KRR1: variants seen among roughly 807,000 people sequenced by gnomAD.
The protein encoded by KRR1 is KRR1 small subunit processome component homolog.
A neutral mutation model predicts 50.0 loss-of-function variants in KRR1; 23 were observed. The observed-to-expected ratio is 0.46, with a 90% CI of 0.33 to 0.65. The LOEUF (loss-of-function observed/expected upper bound fraction) is 0.65. KRR1 is among the 30% of genes least tolerant of loss of function. The pLI, the probability that KRR1 is intolerant of heterozygous loss-of-function variation, is 0.02. For synonymous variants in KRR1, 133 were observed against 146.3 expected (o/e 0.91, Z 0.66); for missense variants, 419 against 442.4 (o/e 0.95, Z 0.47).
chr12:75,508,290 T>C lies in KRR1; in HGVS notation c.242A>G (p.Lys81Arg), dbSNP rs150984893. Residue 81 changes from lysine (K) to arginine (R), a missense_variant, in exon 2 of 10, where the codon AAA (lysine) becomes AGA (arginine). Lys to Arg is a conservative substitution (Grantham distance 26). Coordinates refer to ENST00000229214, the MANE Select transcript of KRR1 (RefSeq NM_007043.7). ...YLKECWPLVQ[K>R]ALNEHHVNAT... ...TACACATACATGTTCATTTAAGGCT[T>C]TCTGCACCAATGGCCAACACTCTTT... is the stretch of plus-strand genomic sequence containing the variant. 20 of 1,610,438 alleles carry C rather than the reference T, an allele frequency of 1.2e-5. No individual in the cohort carries two copies. The African/African-American group carries it at 2.7e-4, about 22-fold the overall frequency.
In KRR1 at chr12:75,492,661, T is replaced by C. The variant is rs897098907; in HGVS notation, c.*7148A>G. ...CTTATCTTCAGAGTTATAAACAATA[T>C]TAAATTATAAAACTTACAACCAAAG... On this transcript the variant is annotated 3_prime_UTR_variant, in exon 10 of 10. Transcript: ENST00000229214. The C allele has an allele frequency of 7.9e-5, 12 of 152,352 alleles. No individual in the cohort carries two copies. The highest frequency in any genetic ancestry group is 1.8e-4 in the Non-Finnish European group (12 of 68,032). 9.4% of individuals were successfully genotyped at this position (152,352 alleles called of 1,614,324 possible).
rs2046328858 is a variant in KRR1, at chr12:75,492,443, ACT to A, written c.*7364_*7365del. 1 of 152,102 alleles carries A rather than the reference ACT, an allele frequency of 6.6e-6. No individual in the cohort carries two copies. The highest frequency in any genetic ancestry group is 1.5e-5 in the Non-Finnish European group (1 of 68,018). 9.4% of individuals were successfully genotyped at this position (152,102 alleles called of 1,614,324 possible). On this transcript the variant is annotated 3_prime_UTR_variant, in exon 10 of 10. Coordinates refer to ENST00000229214, the MANE Select transcript of KRR1 (RefSeq NM_007043.7). ...TTACTGTGTGACCCTGGACAAGTTAACTCTGAATCTCAGTTTAACCTCCAATA... is the reference window on the plus strand; with the variant it reads ...TTACTGTGTGACCCTGGACAAGTTAACTGAATCTCAGTTTAACCTCCAATA...
rs866685752 is a variant in KRR1 at position 75,493,299 on chromosome 12, C to T, written c.*6510G>A. 1.3e-5 allele frequency: 2 copies of T among 152,210 alleles called. No individual in the cohort carries two copies. The highest frequency in any genetic ancestry group is 2.1e-4 in the South Asian group (1 of 4,814). 9.4% of individuals were successfully genotyped at this position (152,210 alleles called of 1,614,324 possible). A position where few individuals can be genotyped will look rare whatever the true frequency, so the allele number is the denominator to read the frequency against. On this transcript the variant is annotated 3_prime_UTR_variant, in exon 10 of 10. Transcript: ENST00000229214. ...TAGGAATGTCCTCATTTCCCTTTGC[C>T]CTCTGCCCTCTGAGGTATTATTTTC...
intron 1 of KRR1, among the ~76,000 whole-genome samples, chr12:75,511,100 C>CT (rs1252871505): frequency 6.6e-6 from 1 of 152,178 alleles, no homozygotes; most frequent in East Asian, 1.9e-4. Flanking sequence ...CGGATAGCTC[C>CT]TTTCCCCATA....
At chr12:75,507,982 A>G (rs2046430283) in intron 2 of KRR1, among the ~76,000 whole-genome samples, 1 of 152,226 alleles carries the variant, frequency 6.6e-6, no homozygotes, top group Admixed American at 6.5e-5. Flanking sequence ...CATGGCCTGG[A>G]GCAGGCATAC....
In KRR1 at chr12:75,506,823, C is replaced by A; in HGVS notation, c.352G>T (p.Asp118Tyr). Residue 118 changes from aspartate to tyrosine, a missense_variant, in exon 3 of 10, where the codon GAT becomes TAT. Asp to Tyr is a radical substitution (Grantham distance 160). Coordinates refer to ENST00000229214, the MANE Select transcript of KRR1 (RefSeq NM_007043.7). ...CTCCTTGCTAACAGTTTTATCAGAT[C>A]TCTGGCCCTAATGATGATATATGGA... ...FDPYIIIRAR[D>Y]LIKLLARSVS... 6.2e-7 allele frequency: 1 copy of A among 1,612,482 alleles called. No homozygotes were observed.
rs573549947 is a variant in KRR1 at position 75,498,062 on chromosome 12, C to G, written c.*1747G>C. ...ACCAGATGATTGATGGGTTCTACCACGAGCATCTAATAGCGACTGCTGCAG... is the reference window on the plus strand; with the variant it reads ...ACCAGATGATTGATGGGTTCTACCAGGAGCATCTAATAGCGACTGCTGCAG... On this transcript the variant is annotated 3_prime_UTR_variant, in exon 10 of 10. Coordinates refer to ENST00000229214, the MANE Select transcript of KRR1 (RefSeq NM_007043.7). The G allele has an allele frequency of 1.0e-4, 16 of 152,466 alleles. No individual in the cohort carries two copies. The highest frequency in any genetic ancestry group is 3.9e-4 in the African/African-American group (16 of 41,558). The allele number at this position is 152,466 out of a possible 1,614,324, so 9.4% of individuals were successfully genotyped here. A position where few individuals can be genotyped will look rare whatever the true frequency, so the allele number is the denominator to read the frequency against.
chr12:75,508,147 A>G, intron 2 of KRR1, 127 bp downstream of exon 2: 1 of 523,508 alleles, frequency 1.9e-6, no homozygotes. Flanking sequence ...TAGAATACCA[A>G]AGGAACCAAA....
At chr12:75,510,389 G>A (rs750725895) in intron 1 of KRR1, among the ~76,000 whole-genome samples, 5 of 152,058 alleles carry the variant, frequency 3.3e-5, no homozygotes, top group Admixed American at 6.6e-5. Context: ...AATGTCCACC[G>A]ATAGTAAAAT....
Position 75,496,721 on chromosome 12 carries a change from C to G in KRR1, c.*3088G>C, listed in dbSNP as rs1594062403. 1 of 152,164 alleles carries G rather than the reference C, an allele frequency of 6.6e-6. No homozygotes were observed. The highest frequency in any genetic ancestry group is 6.6e-5 in the Admixed American group (1 of 15,262). 9.4% of individuals were successfully genotyped at this position (152,164 alleles called of 1,614,324 possible). A position where few individuals can be genotyped will look rare whatever the true frequency, so the allele number is the denominator to read the frequency against. On this transcript the variant is annotated 3_prime_UTR_variant, in exon 10 of 10. Coordinates refer to ENST00000229214, the MANE Select transcript of KRR1 (RefSeq NM_007043.7). ...GAGGAAGGACAGAGTCGGCCAAGTT[C>G]CACTGCACGAAATTTAGTTTGGAAA...
chr12:75,506,014 C>T (rs966520961), intron 5 of KRR1: 9 of 207,756 alleles, frequency 4.3e-5, no homozygotes, highest in Admixed American at 1.7e-4. Context: ...ATACCATGTT[C>T]ATACATGCTA....
In KRR1 at chr12:75,494,784, T is replaced by C. The variant is rs950916843; in HGVS notation, c.*5025A>G. The C allele has an allele frequency of 6.6e-6, 1 of 152,226 alleles. No homozygotes were observed. The allele number at this position is 152,226 out of a possible 1,614,324, so 9.4% of individuals were successfully genotyped here. On this transcript the variant is annotated 3_prime_UTR_variant, in exon 10 of 10. Coordinates refer to ENST00000229214, the MANE Select transcript of KRR1 (RefSeq NM_007043.7). ...CCCATTACTACTATGAGGATATTTA[T>C]GGGGATATAAAATGCTTGGATATTA... is the stretch of plus-strand genomic sequence containing the variant.
chr12:75,508,509 T>C (rs1382492069), intron 1 of KRR1, 63 bp from the exon 2 acceptor site: 1 of 1,249,830 alleles, frequency 8.0e-7, no homozygotes, highest in Non-Finnish European at 1.1e-6. Context: ...CACATCACAT[T>C]TTAACTGTCT....
At chr12:75,505,083 C>A in intron 6 of KRR1, 115 bp downstream of exon 6, 1 of 1,114,406 alleles carries the variant, frequency 9.0e-7, no homozygotes, top group Non-Finnish European at 1.3e-6. Flanking sequence ...CAAAATAGCT[C>A]TGCTTTATCT....
In KRR1 at chr12:75,506,624, A is replaced by G; in HGVS notation, c.394-15T>C. Reference sequence around the variant, plus strand: ...ATTCGTACTGCCTTTTGCAAAAAAAAAAAAAAAAAGAAGACATTATCAACA... The same window carrying G: ...ATTCGTACTGCCTTTTGCAAAAAAAGAAAAAAAAAGAAGACATTATCAACA... On this transcript the variant is annotated splice_polypyrimidine_tract_variant and intron_variant, in intron 3 of 9. Transcript: ENST00000229214. The G allele has an allele frequency of 6.4e-7, 1 of 1,552,478 alleles. No individual in the cohort carries two copies. The highest frequency in any genetic ancestry group is 8.6e-7 in the Non-Finnish European group (1 of 1,160,412).
In KRR1 at chr12:75,499,815, T is replaced by TTTTTTCTTC. The variant is rs762601194; in HGVS notation, c.1131_1139dup (p.Lys378_Lys380dup). ...TCAAGGAGTTTTGGGTATGTTACTT[T>TTTTTTCTTC]TTTTTCTTCTTTTTCTTTTCATCTG... is the stretch of plus-strand genomic sequence containing the variant. On this transcript the variant is annotated inframe_insertion, in exon 10 of 10. Coordinates refer to ENST00000229214, the MANE Select transcript of KRR1 (RefSeq NM_007043.7). 1.3e-6 allele frequency: 2 copies of TTTTTTCTTC among 1,598,678 alleles called. No homozygotes were observed. Among genetic ancestry groups the TTTTTTCTTC allele is most frequent in the African/African-American group, 2.7e-5 (2 of 73,838 alleles).
rs982880500 is a variant in KRR1, at chr12:75,495,021, A to G, written c.*4788T>C. 3.9e-5 allele frequency: 6 copies of G among 152,288 alleles called. No individual in the cohort carries two copies. Among genetic ancestry groups the G allele is most frequent in the African/African-American group, 1.4e-4 (6 of 41,444 alleles). 9.4% of individuals were successfully genotyped at this position (152,288 alleles called of 1,614,324 possible). On this transcript the variant is annotated 3_prime_UTR_variant, in exon 10 of 10. Transcript: ENST00000229214. Reference sequence around the variant, plus strand: ...ATATCACATCTTGTATGTGAAAACAATTTGTACTTTAGAAATTCCCCCATA... The same window carrying G: ...ATATCACATCTTGTATGTGAAAACAGTTTGTACTTTAGAAATTCCCCCATA...
chr12:75,501,232 C>T (rs2046391588), intron 9 of KRR1: 1 of 152,764 alleles, frequency 6.5e-6, no homozygotes, highest in Admixed American at 6.5e-5. Flanking sequence ...CATTTAAAAA[C>T]CACAATCACT....
intron 2 of KRR1, 134 bp from the exon 3 acceptor site, chr12:75,507,050 G>A (rs1269152803): frequency 1.8e-5 from 12 of 656,990 alleles, no homozygotes; most frequent in Middle Eastern, 3.2e-4. Flanking sequence ...AAGAAGCTAG[G>A]TAGTTAAGTA....
Sources: allele counts gnomAD v4.1 joint callset (sites outside exome capture counted in the v4.1 genomes callset), GRCh38; gene constraint gnomAD v4.1.1; transcripts MANE v1.5; gene names NCBI Gene and HGNC (gene_info 2026-07-23, HGNC 2026-07-21).